Variants in EZR observed in about 807,000 individuals in gnomAD.
The protein encoded by EZR is ezrin, also known as cytovillin 2.
Under a neutral mutation model 74.8 loss-of-function variants are expected in EZR, and 40 were observed. The observed-to-expected ratio is 0.53, with a 90% CI of 0.42 to 0.70. The LOEUF is 0.70. EZR is among the 30% of genes least tolerant of loss of function. The pLI is 0.00. For missense variants in EZR, 678 were observed against 755.8 expected (o/e 0.90, Z 1.21); for synonymous variants, 341 against 283.3 (o/e 1.20, Z -2.05).
rs1182096483 is a variant in EZR, at chr6:158,785,472, A to T, written c.304T>A (p.Phe102Ile). The change falls in exon 5 of 14, where the codon TTC (phenylalanine) becomes ATC (isoleucine). Residue 102 changes from phenylalanine to isoleucine, a missense_variant. Phe to Ile is a conservative substitution (Grantham distance 21). This residue lies in a region of EZR where 217 missense variants were observed against 232.2 expected (regional missense o/e 0.93). Coordinates refer to ENST00000367075, the MANE Select transcript of EZR (RefSeq NM_001111077.2). ...ELIQDITQKL[F>I]FLQVKEGILS... is the part of the protein sequence containing the mutation. ...ATTCCTTCCTTCACTTGGAGGAAGA[A>T]AAGTTTCTGGGTGATGTCCTGGATG... 1 of 1,614,226 alleles carries T rather than the reference A, an allele frequency of 6.2e-7. No individual in the cohort carries two copies. The highest frequency in any genetic ancestry group is 8.5e-7 in the Non-Finnish European group (1 of 1,180,050).
chr6:158,790,412 C>G (rs3127223), intron 2 of EZR, among the ~76,000 whole-genome samples: 79,139 of 152,142 alleles, frequency 0.52, 21,596 homozygotes, highest in Non-Finnish European at 0.61. Context: ...TTGGCTCACA[C>G]ACCTGTAATC....
chr6:158,766,665 C>T lies in EZR; in HGVS notation c.*249G>A, dbSNP rs1417548219. 2.0e-5 allele frequency: 11 copies of T among 546,702 alleles called. No homozygotes were observed. In the East Asian group the frequency reaches 3.1e-4, roughly 15 times the overall value. 33.9% of individuals were successfully genotyped at this position (546,702 alleles called of 1,614,324 possible). Reference sequence around the variant, plus strand: ...TCCGTAATTCAATCAGTCCTGCTCCCAGCACAACACAGGAGGTGATTCGAG... The same window carrying T: ...TCCGTAATTCAATCAGTCCTGCTCCTAGCACAACACAGGAGGTGATTCGAG... On this transcript the variant is annotated 3_prime_UTR_variant, in exon 14 of 14. Coordinates refer to ENST00000367075, the MANE Select transcript of EZR (RefSeq NM_001111077.2).
Position 158,783,531 on chromosome 6 carries a change from C to T in EZR, c.687G>A (p.Glu229=), listed in dbSNP as rs1791486199. 2 of 1,612,224 alleles carry T rather than the reference C, an allele frequency of 1.2e-6. No individual in the cohort carries two copies. Among genetic ancestry groups the T allele is most frequent in the South Asian group, 2.2e-5 (2 of 90,952 alleles). ...GVDALGLNIY[E]KDDKLTPKIG... ...GAACTTCAACTCACTTATCATCTTT[C>T]TCATAAATATTCAGTCCAAGGGCAT... Residue 229 remains glutamate, a synonymous_variant, in exon 7 of 14, where the codon GAG becomes GAA. Coordinates refer to ENST00000367075, the MANE Select transcript of EZR (RefSeq NM_001111077.2).
At chr6:158,806,722 A>G (rs1211449894) in intron 2 of EZR, among the ~76,000 whole-genome samples, 2 of 152,162 alleles carry the variant, frequency 1.3e-5, no homozygotes, top group African/African-American at 4.8e-5. Flanking sequence ...CCTTGTTATC[A>G]CACTATTTCC....
intron 7 of EZR, 78 bp from the exon 8 acceptor site, chr6:158,776,582 ATTC>A: frequency 2.0e-6 from 2 of 986,498 alleles, no homozygotes; most frequent in Non-Finnish European, 1.5e-6. Flanking sequence ...TCGCAAATCA[ATTC>A]TTATTAGTTC....
rs1777181963 is a variant in EZR, at chr6:158,801,303, C to CG, written c.13-11933dup. On this transcript the variant is annotated intron_variant, in intron 2 of 13. Coordinates refer to ENST00000367075, the MANE Select transcript of EZR (RefSeq NM_001111077.2). ...CTAACTTTTGTATTTTTGGTAGAGA[C>CG]GGGGTTTCACCATGTTGCCAGCCAG... Among the ~76,000 whole-genome samples the CG allele has an allele frequency of 2.6e-5, 4 of 152,160 alleles. No homozygotes were observed. The South Asian group carries it at 8.3e-4, about 32-fold the overall frequency.
chr6:158,782,534 G>C lies in EZR; in HGVS notation c.698+986C>G, dbSNP rs116348459. ...ACATCCAGGAACTCTGGGCCACTCT[G>C]CTCTTTACGTGGAAAGCAGGAACCC... On this transcript the variant is annotated intron_variant, in intron 7 of 13. Transcript: ENST00000367075. Among the ~76,000 whole-genome samples the C allele has an allele frequency of 1.2e-3, 190 of 152,330 alleles. 1 individual carries two copies. Among genetic ancestry groups the C allele is most frequent in the African/African-American group, 4.0e-3 (167 of 41,574 alleles).
chr6:158,817,908 C>A (rs1777594385), intron 2 of EZR, 174 bp downstream of exon 2: 3 of 514,770 alleles, frequency 5.8e-6, no homozygotes, highest in South Asian at 3.5e-5. Flanking sequence ...CCTAACGCTC[C>A]ACAAAAGGGT....
At chr6:158,771,215 C>G in intron 9 of EZR, 29 bp downstream of exon 9, 2 of 1,559,586 alleles carry the variant, frequency 1.3e-6, no homozygotes, top group Non-Finnish European at 8.6e-7. Context: ...AGAACACAGG[C>G]CCCCCCCACT....
chr6:158,803,582 C>T (rs6935794), intron 2 of EZR, among the ~76,000 whole-genome samples: 684 of 43,040 alleles, frequency 0.016, 88 homozygotes, highest in Non-Finnish European at 0.024. Flanking sequence ...TATATATATA[C>T]ATATATATAT....
chr6:158,776,070 C>T (rs113260351), intron 8 of EZR, among the ~76,000 whole-genome samples: 374 of 152,312 alleles, frequency 2.5e-3, no homozygotes, highest in African/African-American at 8.4e-3. Context: ...ACTCGCAGGT[C>T]CCACTGTCCG....
chr6:158,792,401 AG>A (rs1177007845), intron 2 of EZR, among the ~76,000 whole-genome samples: 3 of 152,176 alleles, frequency 2.0e-5, no homozygotes, highest in African/African-American at 7.2e-5. Flanking sequence ...TAGTAGAGAC[AG>A]GGTTTCACCA....
In EZR at chr6:158,804,995, T is replaced by A. The variant is rs1777303204; in HGVS notation, c.12+13087A>T. 2.8e-5 allele frequency among the ~76,000 whole-genome samples: 4 copies of A among 143,982 alleles called. No individual in the cohort carries two copies. In the East Asian group the frequency reaches 8.3e-4, roughly 30 times the overall value. 94.5% of individuals were successfully genotyped at this position (143,982 alleles called of 152,430 possible). A position where few individuals can be genotyped will look rare whatever the true frequency, so the allele number is the denominator to read the frequency against. Reference sequence around the variant, plus strand: ...GATCTCATTGTTCAATTCCCACCTATGAGTGAGAATATGCGGTGTTTGGTT... The same window carrying A: ...GATCTCATTGTTCAATTCCCACCTAAGAGTGAGAATATGCGGTGTTTGGTT... On this transcript the variant is annotated intron_variant, in intron 2 of 13. Transcript: ENST00000367075.
intron 7 of EZR, among the ~76,000 whole-genome samples, chr6:158,780,355 G>A (rs894720825): frequency 2.0e-5 from 3 of 152,072 alleles, no homozygotes; most frequent in African/African-American, 7.2e-5. Flanking sequence ...TACATCAAAA[G>A]AACAAAACAT....
chr6:158,786,300 G>A (rs1791581541), intron 4 of EZR, among the ~76,000 whole-genome samples: 1 of 152,100 alleles, frequency 6.6e-6, no homozygotes, highest in African/African-American at 2.4e-5. Context: ...CTTGAACCCA[G>A]GAGGTGGAGG....
In EZR at chr6:158,776,388, T is replaced by C. The variant is rs1334204072; in HGVS notation, c.795+20A>G. On this transcript the variant is annotated intron_variant, in intron 8 of 13. Transcript: ENST00000367075. ...AGAATGAAAAACAGTAGCCCCTGAA[T>C]AGAATCCTTTGGAACTTACAGGTGC... 1.9e-6 allele frequency: 3 copies of C among 1,583,534 alleles called. No homozygotes were observed. Among genetic ancestry groups the C allele is most frequent in the South Asian group, 1.1e-5 (1 of 90,460 alleles).
At chr6:158,788,099 A>G (rs1317970719) in intron 3 of EZR, among the ~76,000 whole-genome samples, 1 of 152,254 alleles carries the variant, frequency 6.6e-6, no homozygotes, top group African/African-American at 2.4e-5. Flanking sequence ...AAATGCTACC[A>G]TCCTTCAAAT....
rs1481038715 is a variant in EZR, at chr6:158,771,172, T to C, written c.959+72A>G. 5 of 1,466,746 alleles carry C rather than the reference T, an allele frequency of 3.4e-6. No individual in the cohort carries two copies. The Admixed American group carries it at 8.6e-5, about 25-fold the overall frequency. 90.9% of individuals were successfully genotyped at this position (1,466,746 alleles called of 1,614,324 possible). On this transcript the variant is annotated intron_variant, in intron 9 of 13. Transcript: ENST00000367075. The stretch of plus-strand genomic sequence containing the variant: ...TCTCCCCATCAGCTCCACAGTCACC[T>C]GACAGGCACTGGCTGCCAGTGGCTG...
At position 158,783,513 on chromosome 6, in the gene EZR, A is replaced by T; in HGVS notation, c.698+7T>A. ...CCTACTGAAGATAACTGTGAACTTC[A>T]ACTCACTTATCATCTTTCTCATAAA... On this transcript the variant is annotated splice_region_variant and intron_variant, in intron 7 of 13. Coordinates refer to ENST00000367075, the MANE Select transcript of EZR (RefSeq NM_001111077.2). 1 of 1,609,724 alleles carries T rather than the reference A, an allele frequency of 6.2e-7. No individual in the cohort carries two copies. The highest frequency in any genetic ancestry group is 8.5e-7 in the Non-Finnish European group (1 of 1,177,162).
Sources: allele counts gnomAD v4.1 joint callset (sites outside exome capture counted in the v4.1 genomes callset), GRCh38; gene constraint gnomAD v4.1.1; regional missense constraint gnomAD v4.1.1; transcripts MANE v1.5; gene names NCBI Gene and HGNC (gene_info 2026-07-23, HGNC 2026-07-21).